HDAC9: variants seen among roughly 807,000 people sequenced by gnomAD.
The protein encoded by HDAC9 is MEF-2 interacting transcription repressor (MITR) protein.
HDAC9 carries 41 observed loss-of-function variants against 139.4 expected under a neutral mutation model. The observed-to-expected ratio is 0.29, with a 90% CI of 0.23 to 0.38. The LOEUF (loss-of-function observed/expected upper bound fraction) is 0.38. HDAC9 is among the 10% of genes least tolerant of loss of function. The probability of loss-of-function intolerance (pLI) is 1.00; values close to 1 mark genes in which losing one functional copy is unlikely to be tolerated. For missense variants in HDAC9, 1,147 were observed against 1,297.0 expected (o/e 0.88, Z 1.78); for synonymous variants, 517 against 476.2 (o/e 1.09, Z -1.12).
At chr7:18,269,981 T>A (rs1296578722) in intron 2 of HDAC9, among the ~76,000 whole-genome samples, 1 of 152,068 alleles carries the variant, frequency 6.6e-6, no homozygotes, top group Non-Finnish European at 1.5e-5. Flanking sequence ...GCACTACTGA[T>A]ATATTGGGCT....
chr7:18,385,338 A>G (rs1037247911), intron 1 of HDAC9, among the ~76,000 whole-genome samples: 1 of 152,072 alleles, frequency 6.6e-6, no homozygotes, highest in African/African-American at 2.4e-5. Context: ...GTGCTTCTAA[A>G]ATCATATCAT....
chr7:18,603,933 G>A (rs980560055), intron 6 of HDAC9, among the ~76,000 whole-genome samples: 2 of 151,988 alleles, frequency 1.3e-5, no homozygotes, highest in South Asian at 2.1e-4. Flanking sequence ...GCAACATTTT[G>A]TACTATACTT....
At chr7:18,736,327 A>G (rs1474097559) in intron 13 of HDAC9, among the ~76,000 whole-genome samples, 1 of 152,188 alleles carries the variant, frequency 6.6e-6, no homozygotes, top group Non-Finnish European at 1.5e-5. Context: ...TTCAAAGGGA[A>G]TGCTTCCAGT....
chr7:18,103,216 T>C (rs1019454634), intron 1 of HDAC9, among the ~76,000 whole-genome samples: 31 of 152,326 alleles, frequency 2.0e-4, no homozygotes, highest in African/African-American at 7.5e-4. Flanking sequence ...AACCACATGA[T>C]TCAATTATCT....
intron 1 of HDAC9, among the ~76,000 whole-genome samples, chr7:18,147,972 G>T (rs1786474990): frequency 1.3e-5 from 2 of 152,058 alleles, no homozygotes; most frequent in Non-Finnish European, 2.9e-5. Flanking sequence ...AACTGCTACA[G>T]TTTTCACATA....
chr7:18,905,053 C>A (rs1416021162), intron 22 of HDAC9, among the ~76,000 whole-genome samples: 1 of 152,004 alleles, frequency 6.6e-6, no homozygotes, highest in Non-Finnish European at 1.5e-5. Flanking sequence ...CATGAGCCAC[C>A]ATGCCAGGCT....
chr7:18,377,728 T>C (rs1201834660), intron 1 of HDAC9, among the ~76,000 whole-genome samples: 1 of 152,210 alleles, frequency 6.6e-6, no homozygotes, highest in Non-Finnish European at 1.5e-5. Context: ...GTTGTTCTGA[T>C]TTATCTTGCC....
intron 2 of HDAC9, among the ~76,000 whole-genome samples, chr7:18,164,083 T>C (rs1179246005): frequency 6.6e-6 from 1 of 152,220 alleles, no homozygotes; most frequent in Non-Finnish European, 1.5e-5. Context: ...GTGTACTTTT[T>C]TCTTATAAAT....
chr7:18,416,586 T>C (rs942599036), intron 1 of HDAC9, among the ~76,000 whole-genome samples: 2 of 152,172 alleles, frequency 1.3e-5, no homozygotes, highest in African/African-American at 4.8e-5. Flanking sequence ...CTATAACAGA[T>C]ATAGGGCTGT....
In HDAC9 at chr7:18,766,184, ACTG is replaced by A. The variant is rs563141228; in HGVS notation, c.2165-918_2165-916del. On this transcript the variant is annotated intron_variant, in intron 15 of 25. Transcript: ENST00000686413. ...AATTTGTACCTGGTTCTACCACTGA[ACTG>A]CTGAGTGACATGTCAGAGTCCCTTC... is the stretch of plus-strand genomic sequence containing the variant. Among the ~76,000 whole-genome samples the A allele has an allele frequency of 7.9e-5, 12 of 152,288 alleles. No homozygotes were observed. The South Asian group carries it at 2.5e-3, about 32-fold the overall frequency.
intron 5 of HDAC9, among the ~76,000 whole-genome samples, chr7:18,593,208 T>C (rs1001696894): frequency 5.3e-5 from 8 of 152,150 alleles, no homozygotes; most frequent in Non-Finnish European, 1.2e-4. Context: ...GGTGATACTA[T>C]GTCCTGTTCA....
At position 18,743,433 on chromosome 7, in the gene HDAC9, T is replaced by A. The variant is rs181760073; in HGVS notation, c.1910-5572T>A. 4.7e-4 allele frequency among the ~76,000 whole-genome samples: 71 copies of A among 152,322 alleles called. 3 individuals carry two copies. The highest frequency in any genetic ancestry group is 1.2e-3 in the African/African-American group (50 of 41,578). ...GAGAGATACAATTTATCAATTTTTT[T>A]AAACAGAATTTTTAGGCATTATATC... is the stretch of plus-strand genomic sequence containing the variant. On this transcript the variant is annotated intron_variant, in intron 13 of 25. Coordinates refer to ENST00000686413, the MANE Select transcript of HDAC9 (RefSeq NM_178425.4).
At chr7:18,478,767 C>A (rs984053075) in intron 1 of HDAC9, among the ~76,000 whole-genome samples, 3 of 152,110 alleles carry the variant, frequency 2.0e-5, no homozygotes, top group Admixed American at 2.0e-4. Flanking sequence ...GTATCAGAGT[C>A]CTTATTACTC....
chr7:18,188,818 C>T (rs926373449), intron 2 of HDAC9, among the ~76,000 whole-genome samples: 3 of 128,026 alleles, frequency 2.3e-5, no homozygotes, highest in African/African-American at 6.3e-5. Flanking sequence ...GTTAGAATGG[C>T]GATTATTAAA....
chr7:18,423,818 T>C (rs185170526), intron 1 of HDAC9, among the ~76,000 whole-genome samples: 2 of 152,332 alleles, frequency 1.3e-5, no homozygotes, highest in East Asian at 3.9e-4. Flanking sequence ...GTACCACTTA[T>C]ATTGCATTAT....
intron 6 of HDAC9, among the ~76,000 whole-genome samples, chr7:18,602,519 AT>A (rs902241358): frequency 4.1e-4 from 60 of 145,458 alleles, no homozygotes; most frequent in Non-Finnish European, 8.4e-4. Context: ...TTTTTCCTCT[AT>A]TTTTTTTAAA....
At chr7:18,756,414 A>C (rs1788880789) in intron 14 of HDAC9, among the ~76,000 whole-genome samples, 1 of 152,220 alleles carries the variant, frequency 6.6e-6, no homozygotes, top group African/African-American at 2.4e-5. Flanking sequence ...CTTATTTTTC[A>C]ATTATGATTA....
chr7:18,947,298 A>AT (rs1390675614), intron 23 of HDAC9, among the ~76,000 whole-genome samples: 1 of 152,020 alleles, frequency 6.6e-6, no homozygotes, highest in African/African-American at 2.4e-5. Flanking sequence ...TATATGTAAG[A>AT]TTTTTAAAGT....
intron 2 of HDAC9, among the ~76,000 whole-genome samples, chr7:18,203,632 G>A (rs1053071726): frequency 6.6e-6 from 1 of 152,146 alleles, no homozygotes; most frequent in Non-Finnish European, 1.5e-5. Context: ...TTTTACTTTA[G>A]TTTGTATAAT....
Sources: allele counts gnomAD v4.1 joint callset (sites outside exome capture counted in the v4.1 genomes callset), GRCh38; gene constraint gnomAD v4.1.1; transcripts MANE v1.5; gene names NCBI Gene and HGNC (gene_info 2026-07-23, HGNC 2026-07-21).